Variants in TNS1 observed in about 807,000 individuals in gnomAD.
TNS1 encodes the protein tensin-1.
TNS1 carries 62 observed loss-of-function variants against 168.6 expected under a neutral mutation model. The ratio of observed to expected loss-of-function variants is 0.37; its 90% confidence interval spans 0.30 to 0.45. TNS1 has a LOEUF of 0.45. TNS1 is among the 20% of genes least tolerant of loss of function. The pLI, the probability that TNS1 is intolerant of heterozygous loss-of-function variation, is 1.00. For synonymous variants in TNS1, 934 were observed against 933.2 expected, an observed-to-expected ratio of 1.00 and a Z score of -0.02; for missense variants, 2,240 against 2,339.4, an observed-to-expected ratio of 0.96 and a Z score of 0.88.
chr2:217,819,882 T>G (rs1255013095), intron 23 of TNS1, among the ~76,000 whole-genome samples: 1 of 152,144 alleles, frequency 6.6e-6, no homozygotes, highest in Non-Finnish European at 1.5e-5. Flanking sequence ...AACCTGGAGC[T>G]GCAGGCTGGA....
Position 217,813,783 on chromosome 2 carries a change from GC to G in TNS1, c.4762del (p.Ala1588ProfsTer18). On this transcript the variant is annotated frameshift_variant, in exon 26 of 33. Transcript: ENST00000682258. LOFTEE classifies it high-confidence loss of function. This position sits in a 1 kb window ranked among gnomAD's most constrained non-coding sequence, Gnocchi z 4.0. ...GGAGTGACTGTCGCGGATGATGAAG[GC>G]CCCCGGCTCCTGGTCCTTGAGGAGC... is the stretch of plus-strand genomic sequence containing the variant. The part of the protein sequence containing the change: ...IALLKDQEPG[A>X]FIIRDSHSFR... The G allele has an allele frequency of 6.2e-7, 1 of 1,613,694 alleles. No individual in the cohort carries two copies. The highest frequency in any genetic ancestry group is 1.3e-5 in the African/African-American group (1 of 75,018).
intron 3 of TNS1, among the ~76,000 whole-genome samples, chr2:217,940,548 AAG>A (rs991421275): frequency 6.6e-6 from 1 of 152,194 alleles, no homozygotes; most frequent in Admixed American, 6.5e-5. Flanking sequence ...AACCCCAGGA[AAG>A]AGTGTCGTCA....
At chr2:217,987,476 T>C (rs1420874335) in intron 2 of TNS1, among the ~76,000 whole-genome samples, 1 of 152,078 alleles carries the variant, frequency 6.6e-6, no homozygotes, top group Non-Finnish European at 1.5e-5. Context: ...CTTTTGGCCA[T>C]ATTACATCAA....
chr2:217,809,248 G>C (rs1411303398), intron 30 of TNS1, among the ~76,000 whole-genome samples: 1 of 84,108 alleles, frequency 1.2e-5, no homozygotes, highest in Non-Finnish European at 2.4e-5. Context: ...TGGATGGATG[G>C]ATGCATGGAT....
At chr2:217,933,507 A>G (rs1388898730) in intron 3 of TNS1, among the ~76,000 whole-genome samples, 1 of 152,164 alleles carries the variant, frequency 6.6e-6, no homozygotes, top group Non-Finnish European at 1.5e-5. Context: ...AGCACCGCCA[A>G]CACATCCACT....
chr2:217,890,886 T>C, intron 12 of TNS1, 76 bp downstream of exon 12: 1 of 1,508,060 alleles, frequency 6.6e-7, no homozygotes, highest in South Asian at 1.1e-5. Context: ...CCCATCCCTG[T>C]GAGTACACAA....
intron 5 of TNS1, among the ~76,000 whole-genome samples, chr2:217,906,631 C>G (rs1315709956): frequency 6.6e-6 from 1 of 152,178 alleles, no homozygotes; most frequent in South Asian, 2.1e-4. Flanking sequence ...GATAAGAAAA[C>G]TGAGGCACAG....
At chr2:218,025,374 G>A (rs116671361) in intron 1 of TNS1, among the ~76,000 whole-genome samples, 47 of 152,092 alleles carry the variant, frequency 3.1e-4, no homozygotes, top group African/African-American at 7.2e-4. Flanking sequence ...TCAGCCTCCC[G>A]AGTTGTTGGT....
At chr2:217,953,889 A>G (rs1475762879) in intron 3 of TNS1, among the ~76,000 whole-genome samples, 1 of 152,248 alleles carries the variant, frequency 6.6e-6, no homozygotes, top group African/African-American at 2.4e-5. Flanking sequence ...GTGAGACACC[A>G]GGTGGCCAGC....
At chr2:217,814,489 C>T (rs1367302455) in intron 25 of TNS1, among the ~76,000 whole-genome samples, 5 of 152,204 alleles carry the variant, frequency 3.3e-5, no homozygotes, top group East Asian at 1.9e-4. Context: ...AAGCAGGCAG[C>T]ATCCAGATTT....
chr2:218,016,270 C>G (rs934047), intron 1 of TNS1, among the ~76,000 whole-genome samples: 37,026 of 152,126 alleles, frequency 0.24, 4,995 homozygotes, highest in Middle Eastern at 0.39. Context: ...GCTCCCAGTC[C>G]TGGGATCCAA....
chr2:217,947,718 T>A (rs538354908), intron 3 of TNS1, among the ~76,000 whole-genome samples: 4 of 152,216 alleles, frequency 2.6e-5, no homozygotes, highest in African/African-American at 9.6e-5. Flanking sequence ...AAGAGAAAGA[T>A]GGGGCAAGGT....
Position 217,800,207 on chromosome 2 carries a change from C to A in TNS1, c.*4252G>T, listed in dbSNP as rs990919763. The A allele has an allele frequency of 1.3e-5, 2 of 152,284 alleles. No homozygotes were observed. The highest frequency in any genetic ancestry group is 4.8e-5 in the African/African-American group (2 of 41,446). 9.4% of individuals were successfully genotyped at this position (152,284 alleles called of 1,614,324 possible). On this transcript the variant is annotated 3_prime_UTR_variant, in exon 33 of 33. Coordinates refer to ENST00000682258, the MANE Select transcript of TNS1 (RefSeq NM_001387777.1). ...CACAGGAGAGTTTCAAACAGCTTAA[C>A]ACTGATTGGAAAACAAGCTTGGGAC...
At chr2:217,985,959 C>G (rs530101059) in intron 2 of TNS1, among the ~76,000 whole-genome samples, 1 of 152,314 alleles carries the variant, frequency 6.6e-6, no homozygotes, top group South Asian at 2.1e-4. Context: ...TCATCTCTTT[C>G]TTACCCTCTT....
rs1192013083 is a variant in TNS1 at position 217,986,509 on chromosome 2, T to G, written c.148+4433A>C. Among the ~76,000 whole-genome samples, 1 of 152,158 alleles carries G rather than the reference T, an allele frequency of 6.6e-6. No individual in the cohort carries two copies. Among genetic ancestry groups the G allele is most frequent in the African/African-American group, 2.4e-5 (1 of 41,434 alleles). ...TATCTTCCTGTGGGTTTCGGCCTGGTGGGAGGTAGAGCCCTTGAGCAAAGC... is the reference window on the plus strand; with the variant it reads ...TATCTTCCTGTGGGTTTCGGCCTGGGGGGAGGTAGAGCCCTTGAGCAAAGC... On this transcript the variant is annotated intron_variant, in intron 2 of 32. Coordinates refer to ENST00000682258, the MANE Select transcript of TNS1 (RefSeq NM_001387777.1). The surrounding 1 kb of genome is among the most constrained non-coding windows in gnomAD (Gnocchi z 4.7).
At chr2:217,889,708 T>C (rs147071555) in intron 12 of TNS1, among the ~76,000 whole-genome samples, 1 of 152,324 alleles carries the variant, frequency 6.6e-6, no homozygotes, top group Non-Finnish European at 1.5e-5. Context: ...ATGTGTAACA[T>C]CCACTAGAAG....
chr2:217,942,393 C>T (rs1475264141), intron 3 of TNS1, among the ~76,000 whole-genome samples: 1 of 152,208 alleles, frequency 6.6e-6, no homozygotes, highest in African/African-American at 2.4e-5. Flanking sequence ...GTGCTGATCC[C>T]ATTCGGGTCT....
Position 217,813,234 on chromosome 2 carries a change from G to A in TNS1, c.4935C>T (p.Cys1645=), listed in dbSNP as rs1367910351. The part of the protein sequence containing the change: ...TGPRGVKLKG[C]PNEPNFGSLS... Reference sequence around the variant, plus strand: ...GCTCACCGAAGTTTGGCTCATTGGGGCAGCCCTTGAGCTTGACTCCTCTGG... The same window carrying A: ...GCTCACCGAAGTTTGGCTCATTGGGACAGCCCTTGAGCTTGACTCCTCTGG... The change falls in exon 27 of 33, where the codon TGC becomes TGT. Residue 1645 remains cysteine, a synonymous_variant. Transcript: ENST00000682258. This position sits in a 1 kb window ranked among gnomAD's most constrained non-coding sequence, Gnocchi z 4.0. The A allele has an allele frequency of 6.2e-7, 1 of 1,603,296 alleles. No homozygotes were observed.
chr2:217,978,728 C>T, intron 3 of TNS1, 37 bp downstream of exon 3: 2 of 701,692 alleles, frequency 2.9e-6, no homozygotes, highest in South Asian at 1.5e-5. Flanking sequence ...AGGCCTGTCC[C>T]AAGTCCTCCC....
Sources: allele counts gnomAD v4.1 joint callset (sites outside exome capture counted in the v4.1 genomes callset), GRCh38; gene constraint gnomAD v4.1.1; non-coding constraint Gnocchi (gnomAD v3.1); transcripts MANE v1.5; gene names NCBI Gene and HGNC (gene_info 2026-07-23, HGNC 2026-07-21).